GNG3: variants seen among roughly 807,000 people sequenced by gnomAD.
The protein encoded by GNG3 is guanine nucleotide-binding protein G(I)/G(S)/G(O) subunit gamma-3.
A neutral mutation model predicts 5.6 loss-of-function variants in GNG3; 4 were observed. The observed-to-expected ratio is 0.71, with a 90% CI of 0.35 to 1.63. GNG3 has a LOEUF of 1.63. GNG3 is among the 40% of genes most tolerant of loss of function. The pLI is 0.05. For synonymous variants in GNG3, 30 were observed against 33.5 expected (o/e 0.89, Z 0.36); for missense variants, 62 against 96.6 (o/e 0.64, Z 1.50).
upstream of GNG3, chr11:62,707,254 G>T: frequency 7.0e-7 from 1 of 1,429,016 alleles, no homozygotes; most frequent in Non-Finnish European, 9.7e-7. Context: ...TGGCTAAAAC[G>T]TGAAGTGGCG....
upstream of GNG3, chr11:62,707,145 C>A: frequency 6.4e-7 from 1 of 1,554,706 alleles, no homozygotes; most frequent in South Asian, 1.2e-5. Flanking sequence ...GGTCTCCGCA[C>A]ACCTCTTTTT....
chr11:62,708,250 G>A lies in GNG3; in HGVS notation c.-1-45G>A, dbSNP rs773175220. The A allele has an allele frequency of 6.6e-6, 8 of 1,210,106 alleles. No individual in the cohort carries two copies. The South Asian group carries it at 8.4e-5, about 13-fold the overall frequency. The allele number at this position is 1,210,106 out of a possible 1,614,324, so 75.0% of individuals were successfully genotyped here. A position where few individuals can be genotyped will look rare whatever the true frequency, so the allele number is the denominator to read the frequency against. On this transcript the variant is annotated intron_variant, in intron 1 of 2. Transcript: ENST00000294117. ...TGGTGTGGAGTGAGCATGGAGGGGGGCCTCCAGCTGAGACTGTGCTCTGAG... is the reference window on the plus strand; with the variant it reads ...TGGTGTGGAGTGAGCATGGAGGGGGACCTCCAGCTGAGACTGTGCTCTGAG...
Sources: allele counts gnomAD v4.1 joint callset, GRCh38; gene constraint gnomAD v4.1.1; transcripts MANE v1.5; gene names NCBI Gene and HGNC (gene_info 2026-07-23, HGNC 2026-07-21).